Variants in MAMDC2 observed in about 807,000 individuals in gnomAD.
MAMDC2 encodes MAM domain-containing protein 2.
MAMDC2 carries 57 observed loss-of-function variants against 89.8 expected under a neutral mutation model. That is an observed-to-expected ratio of 0.63 (90% confidence interval 0.51 to 0.79). The LOEUF (loss-of-function observed/expected upper bound fraction) is 0.79. MAMDC2 is among the 30% of genes least tolerant of loss of function. The pLI is 0.00. For missense variants in MAMDC2, 800 were observed against 820.6 expected, an observed-to-expected ratio of 0.97 and a Z score of 0.31; for synonymous variants, 313 against 293.4, an observed-to-expected ratio of 1.07 and a Z score of -0.68.
chr9:70,154,272 C>A (rs1222484940), intron 9 of MAMDC2: 1 of 152,012 alleles, frequency 6.6e-6, no homozygotes, highest in African/African-American at 2.4e-5. Flanking sequence ...CTGTTAGTAA[C>A]CCACTAAATA....
intron 9 of MAMDC2, among the ~76,000 whole-genome samples, chr9:70,159,656 G>A (rs2031896462): frequency 6.6e-6 from 1 of 152,196 alleles, no homozygotes; most frequent in Non-Finnish European, 1.5e-5. Context: ...TTTGTGGATT[G>A]CATTCTATAA....
chr9:70,142,908 A>G (rs933699207), intron 8 of MAMDC2, among the ~76,000 whole-genome samples: 7 of 152,120 alleles, frequency 4.6e-5, no homozygotes, highest in African/African-American at 1.4e-4. Flanking sequence ...TAAATTGACC[A>G]TGGGGATGGT....
chr9:70,053,171 T>C (rs907221168), intron 2 of MAMDC2, among the ~76,000 whole-genome samples: 5 of 152,222 alleles, frequency 3.3e-5, no homozygotes, highest in African/African-American at 9.6e-5. Flanking sequence ...GAAGTTCTTA[T>C]ATATGGTTAT....
intron 11 of MAMDC2, chr9:70,188,440 C>T (rs1294937089): frequency 1.3e-5 from 2 of 151,446 alleles, no homozygotes; most frequent in African/African-American, 4.8e-5. Flanking sequence ...TTCTAATATA[C>T]CATTTTAATT....
Position 70,060,967 on chromosome 9 carries a change from G to C in MAMDC2, c.148+16270G>C, listed in dbSNP as rs114865685. Among the ~76,000 whole-genome samples the C allele has an allele frequency of 3.2e-3, 493 of 152,328 alleles. 4 individuals are homozygous for C. Among genetic ancestry groups the C allele is most frequent in the African/African-American group, 0.012 (479 of 41,572 alleles). On this transcript the variant is annotated intron_variant, in intron 2 of 13. Transcript: ENST00000377182. ...AGGATCCCAAATAACACAGAACTCA[G>C]TGTGGAGCTCCCAAAGCAGTTGGGA...
intron 11 of MAMDC2, among the ~76,000 whole-genome samples, chr9:70,213,813 G>T (rs2033400255): frequency 6.6e-6 from 1 of 152,024 alleles, no homozygotes; most frequent in Non-Finnish European, 1.5e-5. Context: ...TGTCTGAGAT[G>T]ATTTGCTTTG....
intron 2 of MAMDC2, among the ~76,000 whole-genome samples, chr9:70,106,360 T>C (rs773401641): frequency 8.7e-5 from 13 of 149,710 alleles, no homozygotes; most frequent in Non-Finnish European, 1.8e-4. Context: ...TTATACTCCA[T>C]GTCCAACTCT....
intron 2 of MAMDC2, among the ~76,000 whole-genome samples, chr9:70,057,414 G>A (rs1401174039): frequency 6.6e-6 from 1 of 152,162 alleles, no homozygotes; most frequent in Admixed American, 6.5e-5. Context: ...AAAGCAGACA[G>A]CTCAGTTGCC....
chr9:70,090,934 A>C (rs1358421778), intron 2 of MAMDC2: 1 of 151,990 alleles, frequency 6.6e-6, no homozygotes, highest in African/African-American at 2.4e-5. Flanking sequence ...GATATGAGGA[A>C]GCTTTAGATA....
At chr9:70,216,701 A>G (rs2033452289) in intron 11 of MAMDC2, among the ~76,000 whole-genome samples, 1 of 152,222 alleles carries the variant, frequency 6.6e-6, no homozygotes, top group Non-Finnish European at 1.5e-5. Flanking sequence ...CTTTTCATCA[A>G]GTGATCAAAG....
chr9:70,187,085 C>G (rs1052827471), intron 11 of MAMDC2, among the ~76,000 whole-genome samples: 2 of 151,914 alleles, frequency 1.3e-5, no homozygotes, highest in Non-Finnish European at 2.9e-5. Flanking sequence ...AGTTATTCTG[C>G]TTGGGTTTCA....
intron 5 of MAMDC2, among the ~76,000 whole-genome samples, chr9:70,121,496 A>G (rs1459192667): frequency 6.6e-6 from 1 of 152,202 alleles, no homozygotes. Context: ...GCAAAGCAGA[A>G]CAGATTGTAG....
chr9:70,108,078 A>G, intron 2 of MAMDC2, 133 bp from the exon 3 acceptor site: 4 of 825,154 alleles, frequency 4.8e-6, no homozygotes, highest in Non-Finnish European at 7.3e-6. Flanking sequence ...TCCAGTGTTC[A>G]GGCAACTTTC....
intron 11 of MAMDC2, among the ~76,000 whole-genome samples, chr9:70,210,881 A>C (rs913047874): frequency 6.6e-6 from 1 of 152,260 alleles, no homozygotes; most frequent in East Asian, 1.9e-4. Flanking sequence ...TTTCTCCTTC[A>C]CTTATGAAGC....
chr9:70,210,074 A>C (rs1224303765), intron 11 of MAMDC2, among the ~76,000 whole-genome samples: 1 of 152,214 alleles, frequency 6.6e-6, no homozygotes, highest in Non-Finnish European at 1.5e-5. Flanking sequence ...CAATTTTGGA[A>C]TAAGTGCAAT....
At chr9:70,101,004 A>G (rs2997701) in intron 2 of MAMDC2, among the ~76,000 whole-genome samples, 9,747 of 152,286 alleles carry the variant, frequency 0.064, 991 homozygotes, top group African/African-American at 0.21. Flanking sequence ...TAATGTTTTG[A>G]TCAACGATGG....
intron 2 of MAMDC2, chr9:70,081,495 G>C (rs1827653463): frequency 6.6e-6 from 1 of 152,056 alleles, no homozygotes; most frequent in Non-Finnish European, 1.5e-5. Context: ...AGCATATTCA[G>C]AACAGCAGAA....
At chr9:70,091,606 C>T (rs770736123) in intron 2 of MAMDC2, among the ~76,000 whole-genome samples, 1 of 152,074 alleles carries the variant, frequency 6.6e-6, no homozygotes, top group Non-Finnish European at 1.5e-5. Flanking sequence ...TTTGGCAATC[C>T]GAATCGGATC....
At chr9:70,190,434 T>C (rs772664967) in intron 11 of MAMDC2, among the ~76,000 whole-genome samples, 15 of 152,164 alleles carry the variant, frequency 9.9e-5, no homozygotes, top group African/African-American at 2.4e-5. Flanking sequence ...CAGCAGGTTC[T>C]GTGTTTGTGT....
Sources: gnomAD v4.1 joint callset for allele counts (sites outside exome capture counted in the v4.1 genomes callset) on GRCh38, gnomAD v4.1.1 for gene constraint, MANE v1.5 for transcripts, NCBI Gene and HGNC (gene_info 2026-07-23, HGNC 2026-07-21) for gene names.